Variants in WWOX observed in about 807,000 individuals in gnomAD.
WWOX encodes WW domain-containing oxidoreductase.
A neutral mutation model predicts 46.2 loss-of-function variants in WWOX; 69 were observed. The observed-to-expected ratio is 1.49, with a 90% CI of 1.23 to 1.82. The LOEUF (loss-of-function observed/expected upper bound fraction) is 1.82, where lower values mean the gene tolerates loss of function less well. WWOX is among the 40% of genes most tolerant of loss of function. The pLI is 0.00. For synonymous variants in WWOX, 359 were observed against 202.6 expected, an observed-to-expected ratio of 1.77 and a Z score of -6.56; for missense variants, 919 against 542.6, an observed-to-expected ratio of 1.69 and a Z score of -6.89.
chr16:78,766,125 C>G (rs1421957951), intron 8 of WWOX, among the ~76,000 whole-genome samples: 1 of 152,168 alleles, frequency 6.6e-6, no homozygotes, highest in African/African-American at 2.4e-5. Flanking sequence ...CATACCGTCC[C>G]CTGATAGTCG....
chr16:78,952,258 A>G (rs2046075793), intron 8 of WWOX, among the ~76,000 whole-genome samples: 2 of 152,134 alleles, frequency 1.3e-5, no homozygotes, highest in Non-Finnish European at 2.9e-5. Flanking sequence ...CTCAGTGGTC[A>G]CTGTCTCTAG....
At chr16:78,619,864 C>T (rs988255966) in intron 8 of WWOX, among the ~76,000 whole-genome samples, 1 of 152,000 alleles carries the variant, frequency 6.6e-6, no homozygotes, top group Admixed American at 6.6e-5. Context: ...CACCGTTGTA[C>T]TCCATCTAGC....
chr16:78,486,047 A>G (rs932391081), intron 8 of WWOX, among the ~76,000 whole-genome samples: 1 of 152,206 alleles, frequency 6.6e-6, no homozygotes, highest in Non-Finnish European at 1.5e-5. Context: ...TCTGAAAACA[A>G]AATTTCCTTG....
At chr16:78,304,175 T>C (rs1174797703) in intron 5 of WWOX, among the ~76,000 whole-genome samples, 2 of 152,236 alleles carry the variant, frequency 1.3e-5, no homozygotes, top group Non-Finnish European at 2.9e-5. Flanking sequence ...AGCTGTTTGT[T>C]ATCTGAGGGA....
chr16:79,093,733 AG>A (rs1174702272), intron 8 of WWOX, among the ~76,000 whole-genome samples: 13 of 152,214 alleles, frequency 8.5e-5, no homozygotes, highest in Non-Finnish European at 1.5e-4. Context: ...AAGGATAATC[AG>A]ATATTAGTTA....
intron 8 of WWOX, among the ~76,000 whole-genome samples, chr16:78,626,507 A>T (rs964173144): frequency 3.3e-5 from 5 of 152,176 alleles, no homozygotes; most frequent in African/African-American, 1.2e-4. Context: ...GGAAGACCCC[A>T]GAGGTCTGTT....
intron 8 of WWOX, among the ~76,000 whole-genome samples, chr16:78,582,715 G>A (rs1487087342): frequency 6.6e-6 from 1 of 152,290 alleles, no homozygotes; most frequent in South Asian, 2.1e-4. Flanking sequence ...AACTTGTTAT[G>A]CATAGGGTTG....
chr16:78,988,535 C>G (rs1317282925), intron 8 of WWOX, among the ~76,000 whole-genome samples: 2 of 152,006 alleles, frequency 1.3e-5, no homozygotes, highest in Admixed American at 6.6e-5. Flanking sequence ...ACTGGTAATA[C>G]TCCCTCTCCC....
At chr16:78,780,171 C>G (rs1020106291) in intron 8 of WWOX, among the ~76,000 whole-genome samples, 3 of 152,180 alleles carry the variant, frequency 2.0e-5, no homozygotes, top group African/African-American at 7.2e-5. Context: ...ATCCCCTCCT[C>G]TCCAGCCCTC....
chr16:78,298,399 G>A (rs998350683), intron 5 of WWOX, among the ~76,000 whole-genome samples: 1 of 152,108 alleles, frequency 6.6e-6, no homozygotes, highest in Admixed American at 6.5e-5. Flanking sequence ...GATAGACATG[G>A]GTTTGTATCC....
At chr16:78,326,299 G>A (rs12102401) in intron 5 of WWOX, among the ~76,000 whole-genome samples, 9,809 of 152,224 alleles carry the variant, frequency 0.064, 442 homozygotes, top group African/African-American at 0.12. Flanking sequence ...ATGCTCAGTT[G>A]CAGAAACCTA....
intron 8 of WWOX, among the ~76,000 whole-genome samples, chr16:78,636,904 C>T (rs2046586223): frequency 6.6e-6 from 1 of 152,150 alleles, no homozygotes; most frequent in Non-Finnish European, 1.5e-5. Context: ...ATCTGAGGGC[C>T]TGTGCATTAG....
chr16:78,908,988 A>C (rs1397788329), intron 8 of WWOX, among the ~76,000 whole-genome samples: 2 of 152,216 alleles, frequency 1.3e-5, no homozygotes, highest in African/African-American at 2.4e-5. Context: ...AAGGCAGTCT[A>C]GTCCCCAGGC....
At chr16:78,689,314 G>A (rs2047933329) in intron 8 of WWOX, among the ~76,000 whole-genome samples, 1 of 152,140 alleles carries the variant, frequency 6.6e-6, no homozygotes, top group Non-Finnish European at 1.5e-5. Flanking sequence ...TTTTCTCTTT[G>A]CTTAGTCCTG....
chr16:78,416,569 T>C (rs139850990), intron 6 of WWOX, among the ~76,000 whole-genome samples: 18 of 152,326 alleles, frequency 1.2e-4, no homozygotes, highest in African/African-American at 4.3e-4. Context: ...CAGGCCTGTC[T>C]TTGGTAGCAA....
In WWOX at chr16:78,448,857, G is replaced by T. The variant is rs746691959; in HGVS notation, c.1056+16105G>T. ...CATGGTGATTGTCAACTGTCTTGGC[G>T]CTGGTGAGGGGGCTGTTTAGCATGG... On this transcript the variant is annotated intron_variant, in intron 8 of 8. Transcript: ENST00000566780. Among the ~76,000 whole-genome samples the T allele has an allele frequency of 3.9e-5, 6 of 152,188 alleles. No homozygotes were observed. The East Asian group carries it at 1.2e-3, about 29-fold the overall frequency.
chr16:78,210,560 A>G (rs933024222), intron 5 of WWOX, among the ~76,000 whole-genome samples: 3 of 152,054 alleles, frequency 2.0e-5, no homozygotes, highest in African/African-American at 2.4e-5. Context: ...CTCATAAGGA[A>G]CTAAATCCTG....
chr16:78,972,077 T>C (rs1567449598), intron 8 of WWOX, among the ~76,000 whole-genome samples: 1 of 152,184 alleles, frequency 6.6e-6, no homozygotes, highest in Non-Finnish European at 1.5e-5. Context: ...TCTCCCCGTA[T>C]ACCCAGCAGC....
intron 5 of WWOX, among the ~76,000 whole-genome samples, chr16:78,311,615 C>G (rs890429251): frequency 6.6e-6 from 1 of 152,126 alleles, no homozygotes; most frequent in Non-Finnish European, 1.5e-5. Context: ...ATGAGTGGGC[C>G]TAAAGAATCC....
Sources: gnomAD v4.1 joint callset for allele counts (sites outside exome capture counted in the v4.1 genomes callset) on GRCh38, gnomAD v4.1.1 for gene constraint, MANE v1.5 for transcripts, NCBI Gene and HGNC (gene_info 2026-07-23, HGNC 2026-07-21) for gene names.